Variants in ROBO2 observed in about 807,000 individuals in gnomAD.
ROBO2 encodes roundabout homolog 2.
Under a neutral mutation model 160.8 loss-of-function variants are expected in ROBO2, and 53 were observed. The ratio of observed to expected loss-of-function variants is 0.33; its 90% CI spans 0.26 to 0.41. The LOEUF is 0.41. Among genes scored for constraint, ROBO2 ranks in the 10% least tolerant of loss-of-function variants. ROBO2 has a pLI of 1.00. For synonymous variants in ROBO2, 664 were observed against 611.7 expected, an observed-to-expected ratio of 1.09 and a Z score of -1.26; for missense variants, 1,577 against 1,722.4, an observed-to-expected ratio of 0.92 and a Z score of 1.49.
chr3:77,252,114 G>T (rs867010224), intron 2 of ROBO2, among the ~76,000 whole-genome samples: 1 of 152,130 alleles, frequency 6.6e-6, no homozygotes, highest in Non-Finnish European at 1.5e-5. Flanking sequence ...TATTTCCTCA[G>T]CCAGATATCC....
At chr3:76,055,155 A>G (rs1359018431) in intron 2 of ROBO2, among the ~76,000 whole-genome samples, 1 of 152,116 alleles carries the variant, frequency 6.6e-6, no homozygotes. Context: ...ATCAGATCTC[A>G]TGAGACTTAT....
chr3:77,320,506 C>T (rs992354868), intron 2 of ROBO2, among the ~76,000 whole-genome samples: 2 of 151,738 alleles, frequency 1.3e-5, no homozygotes, highest in Admixed American at 6.6e-5. Context: ...TCTAGAGGGA[C>T]GCAAATTGCA....
chr3:76,977,047 T>G, intron 2 of ROBO2, among the ~76,000 whole-genome samples: 1 of 152,208 alleles, frequency 6.6e-6, no homozygotes, highest in East Asian at 1.9e-4. Context: ...ATGTTGGAAA[T>G]GGCATCCTAT....
At chr3:76,692,038 T>C (rs949144875) in intron 2 of ROBO2, among the ~76,000 whole-genome samples, 1 of 151,938 alleles carries the variant, frequency 6.6e-6, no homozygotes, top group African/African-American at 2.4e-5. Context: ...GGAGAAATAA[T>C]TTGAAGGTTG....
intron 2 of ROBO2, among the ~76,000 whole-genome samples, chr3:77,239,109 T>C (rs1246479289): frequency 6.6e-6 from 1 of 152,146 alleles, no homozygotes; most frequent in Non-Finnish European, 1.5e-5. Context: ...GTTCTTGGTC[T>C]CGCTGACTTC....
chr3:76,069,365 T>C (rs1408171252), intron 2 of ROBO2, among the ~76,000 whole-genome samples: 8 of 152,152 alleles, frequency 5.3e-5, no homozygotes, highest in Non-Finnish European at 1.5e-5. Flanking sequence ...ATTCAATCCA[T>C]CAGGAAATCC....
chr3:76,106,507 A>G (rs1404569543), intron 2 of ROBO2, among the ~76,000 whole-genome samples: 1 of 151,890 alleles, frequency 6.6e-6, no homozygotes, highest in Non-Finnish European at 1.5e-5. Flanking sequence ...CTTTCCCACT[A>G]TTTTCATGAC....
At chr3:76,394,670 G>A (rs982518446) in intron 2 of ROBO2, among the ~76,000 whole-genome samples, 1 of 152,036 alleles carries the variant, frequency 6.6e-6, no homozygotes, top group African/African-American at 2.4e-5. Flanking sequence ...GTTGGCAGGG[G>A]TTGCAATCCT....
intron 2 of ROBO2, among the ~76,000 whole-genome samples, chr3:77,244,159 A>G (rs981500860): frequency 8.5e-4 from 130 of 152,340 alleles, no homozygotes; most frequent in African/African-American, 3.0e-3. Flanking sequence ...GCCTCAGGCT[A>G]AATTTTGTCA....
rs565896577 is a variant in ROBO2 at position 76,627,747 on chromosome 3, G to A, written c.110-470267G>A. On this transcript the variant is annotated intron_variant, in intron 2 of 26. Transcript: ENST00000487694. ...AAGAGGAATGTAATAGGAGTTCAAT[G>A]TATAAATGAAGTGCATCTCGGGAAA... Among the ~76,000 whole-genome samples, 42 of 152,322 alleles carry A rather than the reference G, an allele frequency of 2.8e-4. 1 individual carries two copies. In the South Asian group the frequency reaches 8.3e-3, roughly 30 times the overall value.
At chr3:76,925,227 A>AT (rs774540649) in intron 2 of ROBO2, among the ~76,000 whole-genome samples, 18,599 of 147,884 alleles carry the variant, frequency 0.13, 1,473 homozygotes, top group South Asian at 0.24. Context: ...AAAAAAAAAA[A>AT]AAAATCTGGT....
In ROBO2 at chr3:76,184,594, T is replaced by TAGATA. The variant is rs1553669361; in HGVS notation, c.109+246993_109+246994insGATAA. Among the ~76,000 whole-genome samples, 430 of 124,848 alleles carry TAGATA rather than the reference T, an allele frequency of 3.4e-3. 1 individual carries two copies. Among genetic ancestry groups the TAGATA allele is most frequent in the East Asian group, 0.021 (45 of 2,160 alleles). 81.9% of individuals were successfully genotyped at this position (124,848 alleles called of 152,430 possible). A position where few individuals can be genotyped will look rare whatever the true frequency, so the allele number is the denominator to read the frequency against. On this transcript the variant is annotated intron_variant, in intron 2 of 26. Coordinates refer to the ROBO2 transcript ENST00000487694. ...ATAGATAGATAGATAGATAGATAGA[T>TAGATA]AAGAGGGGATTTATTAGGGGAATTG...
chr3:77,443,131 A>T (rs1417018055), intron 2 of ROBO2, among the ~76,000 whole-genome samples: 7 of 152,368 alleles, frequency 4.6e-5, no homozygotes, highest in Non-Finnish European at 8.8e-5. Flanking sequence ...CAATGGAAAG[A>T]ACAATGAATG....
chr3:77,540,996 TTA>T (rs2092435490), intron 6 of ROBO2, among the ~76,000 whole-genome samples: 1 of 152,214 alleles, frequency 6.6e-6, no homozygotes, highest in Non-Finnish European at 1.5e-5. Flanking sequence ...TTAAATATGC[TTA>T]TAGAATATGT....
At chr3:77,344,554 G>A (rs898477406) in intron 2 of ROBO2, among the ~76,000 whole-genome samples, 2 of 152,122 alleles carry the variant, frequency 1.3e-5, no homozygotes, top group African/African-American at 4.8e-5. Flanking sequence ...CCAGACAGTG[G>A]GCTCTTGCCA....
chr3:76,772,639 G>C (rs1359781703), intron 2 of ROBO2, among the ~76,000 whole-genome samples: 1 of 150,554 alleles, frequency 6.6e-6, no homozygotes, highest in African/African-American at 2.4e-5. Context: ...TTGATCTAGA[G>C]AGCAGTGAAG....
intron 2 of ROBO2, among the ~76,000 whole-genome samples, chr3:75,991,942 A>G (rs563335185): frequency 6.6e-6 from 1 of 152,178 alleles, no homozygotes; most frequent in African/African-American, 2.4e-5. Context: ...GATTTGTGGA[A>G]CTTTGAACTT....
In ROBO2 at chr3:76,132,169, T is replaced by C. The variant is rs138469700; in HGVS notation, c.109+194567T>C. Among the ~76,000 whole-genome samples the C allele has an allele frequency of 7.0e-3, 1,058 of 152,230 alleles. 18 individuals are homozygous for C. Among genetic ancestry groups the C allele is most frequent in the South Asian group, 0.05 (243 of 4,814 alleles). ...AAAATCCGCACAGGGAAGAGGCACA[T>C]GGGGCAAAACCCCAAGACAAGTTTT... On this transcript the variant is annotated intron_variant, in intron 2 of 26. Coordinates refer to the ROBO2 transcript ENST00000487694.
At chr3:76,705,791 A>G (rs549842543) in intron 2 of ROBO2, among the ~76,000 whole-genome samples, 52 of 152,176 alleles carry the variant, frequency 3.4e-4, no homozygotes, top group African/African-American at 1.2e-3. Flanking sequence ...ATTTCTTTCT[A>G]TTTGCATAAA....
Sources: allele counts gnomAD v4.1 joint callset (sites outside exome capture counted in the v4.1 genomes callset), GRCh38; gene constraint gnomAD v4.1.1; transcripts MANE v1.5; gene names NCBI Gene and HGNC (gene_info 2026-07-23, HGNC 2026-07-21).